Variants in MARCHF1 observed in about 807,000 individuals in gnomAD.
MARCHF1 encodes E3 ubiquitin-protein ligase MARCHF1.
In MARCHF1, 40 loss-of-function variants were observed where a neutral mutation model predicts 54.2. The observed-to-expected ratio is 0.74, with a 90% CI of 0.57 to 0.96. MARCHF1 has a LOEUF of 0.96. MARCHF1 is among the 40% of genes least tolerant of loss of function. The pLI, the probability that MARCHF1 is intolerant of heterozygous loss-of-function variation, is 0.00. For missense variants in MARCHF1, 586 were observed against 656.5 expected (o/e 0.89, Z 1.17); for synonymous variants, 236 against 236.3 (o/e 1.00, Z 0.01).
In MARCHF1 at chr4:163,935,069, A is replaced by C. The variant is rs374249456; in HGVS notation, c.-39+53432T>G. Among the ~76,000 whole-genome samples, 8 of 152,262 alleles carry C rather than the reference A, an allele frequency of 5.3e-5. No individual in the cohort carries two copies. The East Asian group carries it at 1.5e-3, about 29-fold the overall frequency. On this transcript the variant is annotated intron_variant, in intron 3 of 9. Coordinates refer to ENST00000514618, the MANE Select transcript of MARCHF1 (RefSeq NM_001394959.1). ...CAGAATCGGTGTTGTGTTAACAGAC[A>C]TACAAACAACATTCATCTCCTTGTA...
At chr4:163,661,807 T>C (rs1175928287) in intron 5 of MARCHF1, among the ~76,000 whole-genome samples, 1 of 152,078 alleles carries the variant, frequency 6.6e-6, no homozygotes, top group Non-Finnish European at 1.5e-5. Flanking sequence ...GCTGATTTCT[T>C]CCTGTTACTT....
At chr4:164,006,328 A>G (rs1753287266) in intron 2 of MARCHF1, among the ~76,000 whole-genome samples, 1 of 152,172 alleles carries the variant, frequency 6.6e-6, no homozygotes, top group South Asian at 2.1e-4. Context: ...TGTTGCACTG[A>G]AGAACTCATT....
chr4:164,026,994 CA>C (rs1451737249), intron 2 of MARCHF1, among the ~76,000 whole-genome samples: 1 of 151,666 alleles, frequency 6.6e-6, no homozygotes, highest in Non-Finnish European at 1.5e-5. Context: ...ACAATAGCCA[CA>C]AAAAATGAAA....
chr4:164,152,978 T>C (rs1729983846), intron 1 of MARCHF1, among the ~76,000 whole-genome samples: 1 of 151,722 alleles, frequency 6.6e-6, no homozygotes. Flanking sequence ...CTTCCTAAAA[T>C]ATATAAAATC....
chr4:164,225,173 T>A (rs1732216726), intron 1 of MARCHF1, among the ~76,000 whole-genome samples: 1 of 152,068 alleles, frequency 6.6e-6, no homozygotes, highest in Admixed American at 6.6e-5. Flanking sequence ...CCAAATTACA[T>A]TCTATTTTGT....
At chr4:164,047,742 C>A (rs931803910) in intron 2 of MARCHF1, among the ~76,000 whole-genome samples, 1 of 152,166 alleles carries the variant, frequency 6.6e-6, no homozygotes, top group African/African-American at 2.4e-5. Flanking sequence ...AAGGTTCAGC[C>A]TAAATCCAGA....
intron 1 of MARCHF1, among the ~76,000 whole-genome samples, chr4:164,364,937 T>G (rs1046140506): frequency 1.3e-5 from 2 of 152,040 alleles, no homozygotes. Flanking sequence ...AATAAAATCA[T>G]TCAGTTAATG....
chr4:163,874,598 T>G (rs1194447302), intron 3 of MARCHF1, among the ~76,000 whole-genome samples: 1 of 152,192 alleles, frequency 6.6e-6, no homozygotes, highest in African/African-American at 2.4e-5. Flanking sequence ...AAATCAACAT[T>G]ATTCATATAA....
chr4:164,021,304 A>C (rs1753658614), intron 2 of MARCHF1, among the ~76,000 whole-genome samples: 1 of 152,048 alleles, frequency 6.6e-6, no homozygotes, highest in Non-Finnish European at 1.5e-5. Context: ...CCAGGATTTT[A>C]TCTCTTACTG....
At chr4:163,653,075 G>A (rs543580691) in intron 5 of MARCHF1, among the ~76,000 whole-genome samples, 1 of 151,790 alleles carries the variant, frequency 6.6e-6, no homozygotes, top group East Asian at 1.9e-4. Context: ...AGGGGATGGA[G>A]TCATTGGTGA....
At chr4:163,721,616 C>T (rs557856637) in intron 4 of MARCHF1, among the ~76,000 whole-genome samples, 1 of 152,254 alleles carries the variant, frequency 6.6e-6, no homozygotes. Flanking sequence ...ACCAGCTCCT[C>T]CTTGTACCTA....
intron 1 of MARCHF1, among the ~76,000 whole-genome samples, chr4:164,247,397 A>T (rs1732982333): frequency 6.6e-6 from 1 of 151,240 alleles, no homozygotes; most frequent in Non-Finnish European, 1.5e-5. Flanking sequence ...CATAGGTGGG[A>T]ATTGAACAAT....
rs1417331380 is a variant in MARCHF1 at position 163,907,106 on chromosome 4, A to G, written c.-38-52937T>C. Among the ~76,000 whole-genome samples the G allele has an allele frequency of 3.9e-5, 6 of 152,118 alleles. No individual in the cohort carries two copies. In the South Asian group the frequency reaches 8.3e-4, roughly 21 times the overall value. ...CAAATTATACAGAAGTCCTTTTTCC[A>G]TACTTTCCTTGTATTCAGAAGCTCA... On this transcript the variant is annotated intron_variant, in intron 3 of 9. Transcript: ENST00000514618.
At chr4:164,013,343 C>A (rs746606963) in intron 2 of MARCHF1, among the ~76,000 whole-genome samples, 2 of 150,980 alleles carry the variant, frequency 1.3e-5, no homozygotes, top group African/African-American at 2.4e-5. Flanking sequence ...TCAATATACA[C>A]AATTAGAGGA....
chr4:163,768,261 A>G (rs28695732), intron 4 of MARCHF1, among the ~76,000 whole-genome samples: 73,753 of 151,934 alleles, frequency 0.49, 17,974 homozygotes, highest in Admixed American at 0.52. Context: ...TCCTCACTCC[A>G]ATTTTTCAAC....
In MARCHF1 at chr4:163,739,610, A is replaced by C. The variant is rs142438661; in HGVS notation, c.112-38747T>G. On this transcript the variant is annotated intron_variant, in intron 4 of 9. Transcript: ENST00000514618. ...TAACGAACACTCTTCAGTATTTAGC[A>C]ACTAAAATAGTATAAGAGATAATCA... Among the ~76,000 whole-genome samples, 468 of 152,350 alleles carry C rather than the reference A, an allele frequency of 3.1e-3. 4 individuals are homozygous for C. Among genetic ancestry groups the C allele is most frequent in the African/African-American group, 0.01 (433 of 41,582 alleles).
chr4:163,664,228 T>A (rs1743449172), intron 5 of MARCHF1, among the ~76,000 whole-genome samples: 1 of 152,012 alleles, frequency 6.6e-6, no homozygotes, highest in Non-Finnish European at 1.5e-5. Context: ...CCACATGTAA[T>A]TTTCACAGCA....
chr4:164,153,706 A>G (rs1173266929), intron 1 of MARCHF1, among the ~76,000 whole-genome samples: 1 of 152,158 alleles, frequency 6.6e-6, no homozygotes, highest in Non-Finnish European at 1.5e-5. Flanking sequence ...AATTGAAAAG[A>G]AAAATTCATC....
intron 3 of MARCHF1, among the ~76,000 whole-genome samples, chr4:163,940,822 G>T (rs1234801401): frequency 6.6e-6 from 1 of 152,144 alleles, no homozygotes; most frequent in African/African-American, 2.4e-5. Context: ...AAACAGGAGT[G>T]ATAAGAGTTC....
Sources: gnomAD v4.1 joint callset for allele counts (sites outside exome capture counted in the v4.1 genomes callset) on GRCh38, gnomAD v4.1.1 for gene constraint, MANE v1.5 for transcripts, NCBI Gene and HGNC (gene_info 2026-07-23, HGNC 2026-07-21) for gene names.